Variants in MAML3 observed in about 807,000 individuals in gnomAD.
MAML3 encodes mastermind like transcriptional coactivator 3.
Under a neutral mutation model 101.9 loss-of-function variants are expected in MAML3, and 27 were observed. That is an observed-to-expected ratio of 0.27 (90% CI 0.20 to 0.37). The LOEUF (loss-of-function observed/expected upper bound fraction) is 0.37. MAML3 is among the 10% of genes least tolerant of loss of function. The pLI is 1.00. For synonymous variants in MAML3, 501 were observed against 555.9 expected, an observed-to-expected ratio of 0.90 and a Z score of 1.39; for missense variants, 1,316 against 1,444.9, an observed-to-expected ratio of 0.91 and a Z score of 1.45.
intron 1 of MAML3, among the ~76,000 whole-genome samples, chr4:140,092,070 A>G (rs1728062229): frequency 1.4e-5 from 1 of 69,966 alleles, no homozygotes; most frequent in African/African-American, 3.6e-5. Flanking sequence ...CTTTATATAT[A>G]TATACGTATA....
intron 1 of MAML3, among the ~76,000 whole-genome samples, chr4:140,122,791 C>CAAA (rs35276329): frequency 2.4e-5 from 2 of 82,948 alleles, no homozygotes; most frequent in African/African-American, 8.4e-5. Context: ...GACTCCGTCT[C>CAAA]AAAAAAAAAA....
rs368391934 is a variant in MAML3, at chr4:140,128,337, A to G, written c.468+24523T>C. Reference sequence around the variant, plus strand: ...ATGAGCGAAGATGAGGGCAGTATGGAGCTCAGAGAAGAACCATGTGCTGAG... The same window carrying G: ...ATGAGCGAAGATGAGGGCAGTATGGGGCTCAGAGAAGAACCATGTGCTGAG... On this transcript the variant is annotated intron_variant, in intron 1 of 4. Coordinates refer to ENST00000509479, the MANE Select transcript of MAML3 (RefSeq NM_018717.5). Among the ~76,000 whole-genome samples the G allele has an allele frequency of 2.8e-4, 43 of 152,310 alleles. No individual in the cohort carries two copies. In the East Asian group the frequency reaches 3.3e-3, roughly 12 times the overall value.
chr4:139,817,380 T>C (rs140357504), intron 2 of MAML3, among the ~76,000 whole-genome samples: 1 of 152,294 alleles, frequency 6.6e-6, no homozygotes, highest in East Asian at 1.9e-4. Context: ...AGGGTCTAGG[T>C]TATACCTCAA....
chr4:140,092,092 A>ATATATATATACGTATG (rs1728066544), intron 1 of MAML3, among the ~76,000 whole-genome samples: 1 of 127,406 alleles, frequency 7.8e-6, no homozygotes, highest in African/African-American at 2.9e-5. Context: ...ATATACGTAT[A>ATATATATATACGTATG]TATATATATA....
intron 2 of MAML3, among the ~76,000 whole-genome samples, chr4:139,809,867 C>T (rs1730766004): frequency 7.4e-6 from 1 of 135,224 alleles, no homozygotes; most frequent in South Asian, 2.2e-4. Context: ...CCTGCACGTA[C>T]ACACACACAC....
intron 2 of MAML3, among the ~76,000 whole-genome samples, chr4:139,790,216 C>CATATAT (rs367675413): frequency 0.098 from 10,800 of 109,826 alleles, 605 homozygotes; most frequent in Admixed American, 0.13. Flanking sequence ...ACCCTAGTGA[C>CATATAT]ATATATATAT....
At chr4:139,739,197 T>G (rs1435724826) in intron 2 of MAML3, among the ~76,000 whole-genome samples, 1 of 152,202 alleles carries the variant, frequency 6.6e-6, no homozygotes, top group Non-Finnish European at 1.5e-5. Flanking sequence ...GGCCCTATAA[T>G]GGACAGCTTC....
At chr4:139,768,674 G>A (rs1010334303) in intron 2 of MAML3, among the ~76,000 whole-genome samples, 1 of 152,138 alleles carries the variant, frequency 6.6e-6, no homozygotes, top group Non-Finnish European at 1.5e-5. Flanking sequence ...TTAGTACTAC[G>A]CTGATGTTGA....
chr4:139,942,210 G>GC (rs201122785), intron 1 of MAML3, among the ~76,000 whole-genome samples: 46,379 of 149,648 alleles, frequency 0.31, 7,453 homozygotes, highest in Non-Finnish European at 0.36. Context: ...AGGCAGGCAG[G>GC]AAGGAAGACA....
chr4:139,901,800 G>A (rs1269581255), intron 1 of MAML3, among the ~76,000 whole-genome samples: 1 of 152,166 alleles, frequency 6.6e-6, no homozygotes, highest in East Asian at 1.9e-4. Context: ...ATTTCAGGGA[G>A]GCTGAGTATT....
chr4:140,025,973 GC>G (rs2110884025), intron 1 of MAML3, among the ~76,000 whole-genome samples: 1 of 152,218 alleles, frequency 6.6e-6, no homozygotes, highest in South Asian at 2.1e-4. Flanking sequence ...GATCACTGTG[GC>G]TATGTCATAA....
intron 1 of MAML3, among the ~76,000 whole-genome samples, chr4:139,964,215 A>G (rs1370028331): frequency 6.6e-6 from 1 of 152,224 alleles, no homozygotes; most frequent in Non-Finnish European, 1.5e-5. Context: ...TAGACTGGAT[A>G]AAGAACATGT....
chr4:139,836,250 A>C (rs1047648017), intron 2 of MAML3, among the ~76,000 whole-genome samples: 1 of 152,254 alleles, frequency 6.6e-6, no homozygotes, highest in Non-Finnish European at 1.5e-5. Flanking sequence ...CAAAGGTGTT[A>C]TAGAGACCAG....
intron 1 of MAML3, among the ~76,000 whole-genome samples, chr4:139,905,581 G>T (rs1467066744): frequency 6.6e-6 from 1 of 151,738 alleles, no homozygotes; most frequent in African/African-American, 2.4e-5. Context: ...TTCTAGGGCT[G>T]CCATAACAAA....
intron 1 of MAML3, among the ~76,000 whole-genome samples, chr4:140,125,085 T>C (rs1728663791): frequency 6.6e-6 from 1 of 152,260 alleles, no homozygotes; most frequent in Non-Finnish European, 1.5e-5. Context: ...CAACTTTAGC[T>C]TATTTTTCTA....
At chr4:140,133,179 G>C (rs1728825151) in intron 1 of MAML3, 1 of 393,512 alleles carries the variant, frequency 2.5e-6, no homozygotes. Context: ...AGAAAAAAAA[G>C]AGAGTTTACT....
At chr4:140,048,674 A>G (rs1727220460) in intron 1 of MAML3, among the ~76,000 whole-genome samples, 1 of 152,204 alleles carries the variant, frequency 6.6e-6, no homozygotes, top group African/African-American at 2.4e-5. Flanking sequence ...CTGGCTGTCT[A>G]TACTGGCAGT....
chr4:140,018,225 T>C (rs1456174567), intron 1 of MAML3, among the ~76,000 whole-genome samples: 1 of 152,152 alleles, frequency 6.6e-6, no homozygotes, highest in African/African-American at 2.4e-5. Flanking sequence ...CTGGTATATG[T>C]AACCGCACAA....
chr4:139,784,943 G>A (rs868308364), intron 2 of MAML3, among the ~76,000 whole-genome samples: 116 of 152,312 alleles, frequency 7.6e-4, no homozygotes, highest in African/African-American at 2.5e-3. Flanking sequence ...AGGGGTGGGA[G>A]GGTGGAAAGA....
Sources: allele counts gnomAD v4.1 joint callset (sites outside exome capture counted in the v4.1 genomes callset), GRCh38; gene constraint gnomAD v4.1.1; transcripts MANE v1.5; gene names NCBI Gene and HGNC (gene_info 2026-07-23, HGNC 2026-07-21).